Variants in TCERG1L observed in about 807,000 individuals in gnomAD.
TCERG1L encodes the protein transcription elongation regulator 1 like.
In TCERG1L, 37 loss-of-function variants were observed where a neutral mutation model predicts 56.3. The ratio of observed to expected loss-of-function variants is 0.66; its 90% CI spans 0.51 to 0.87. The LOEUF is 0.87. Among genes scored for constraint, TCERG1L ranks in the 40% least tolerant of loss-of-function variants. TCERG1L has a pLI of 0.00. For missense variants in TCERG1L, 799 were observed against 774.2 expected, an observed-to-expected ratio of 1.03 and a Z score of -0.38; for synonymous variants, 324 against 326.3, an observed-to-expected ratio of 0.99 and a Z score of 0.08.
At chr10:131,116,698 T>C (rs1589778936) in intron 9 of TCERG1L, 101 bp downstream of exon 9, 2 of 1,453,818 alleles carry the variant, frequency 1.4e-6, no homozygotes, top group Non-Finnish European at 1.9e-6. Context: ...AGCCTGATCA[T>C]GAACTCAGTG....
chr10:131,238,636 G>A (rs1032025247), intron 4 of TCERG1L, among the ~76,000 whole-genome samples: 1 of 152,292 alleles, frequency 6.6e-6, no homozygotes, highest in South Asian at 2.1e-4. Context: ...AGCTTGCTGC[G>A]GTTCTTTGTG....
chr10:131,199,094 T>C (rs559391138), intron 4 of TCERG1L, among the ~76,000 whole-genome samples: 7 of 152,296 alleles, frequency 4.6e-5, no homozygotes, highest in African/African-American at 1.4e-4. Context: ...CTCAAGGGCC[T>C]GGCTCTCTGG....
intron 4 of TCERG1L, among the ~76,000 whole-genome samples, chr10:131,239,541 T>A (rs930938910): frequency 2.0e-5 from 3 of 152,262 alleles, no homozygotes; most frequent in Admixed American, 1.3e-4. Context: ...AACACCACGC[T>A]GCACGCTCCA....
intron 4 of TCERG1L, among the ~76,000 whole-genome samples, chr10:131,179,737 C>T (rs908179760): frequency 5.3e-5 from 8 of 152,162 alleles, no homozygotes; most frequent in African/African-American, 1.9e-4. Flanking sequence ...ACTTAAACTA[C>T]ACTTCACCAT....
At chr10:131,197,634 C>T (rs1253213658) in intron 4 of TCERG1L, among the ~76,000 whole-genome samples, 2 of 152,200 alleles carry the variant, frequency 1.3e-5, no homozygotes, top group Non-Finnish European at 2.9e-5. Context: ...TCTTCACCAA[C>T]AAGCAGGTCT....
intron 4 of TCERG1L, among the ~76,000 whole-genome samples, chr10:131,207,145 C>T (rs529185784): frequency 2.3e-4 from 35 of 151,774 alleles, no homozygotes; most frequent in Non-Finnish European, 4.4e-5. Flanking sequence ...GAGGTCCCCA[C>T]CCCAATCCCC....
chr10:131,113,334 T>G (rs547319791), intron 9 of TCERG1L, among the ~76,000 whole-genome samples: 1 of 142,228 alleles, frequency 7.0e-6, no homozygotes, highest in East Asian at 2.4e-4. Flanking sequence ...CCTTCCCTGG[T>G]GGCCAGCCTA....
chr10:131,143,522 G>A (rs1845760868), intron 7 of TCERG1L, among the ~76,000 whole-genome samples: 1 of 152,152 alleles, frequency 6.6e-6, no homozygotes, highest in African/African-American at 2.4e-5. Context: ...GGTGGCCCCC[G>A]TGGCCAAAGC....
At chr10:131,153,015 C>T (rs10829929) in intron 6 of TCERG1L, among the ~76,000 whole-genome samples, 30,720 of 152,030 alleles carry the variant, frequency 0.2, 3,468 homozygotes, top group East Asian at 0.34. Flanking sequence ...GATTACAATT[C>T]GAGGTAAGAT....
At chr10:131,280,880 G>A (rs1441375897) in intron 3 of TCERG1L, among the ~76,000 whole-genome samples, 1 of 152,130 alleles carries the variant, frequency 6.6e-6, no homozygotes, top group Non-Finnish European at 1.5e-5. Flanking sequence ...CCAAGCGACT[G>A]TCCTTTTCGT....
At chr10:131,285,031 T>G (rs1294182184) in intron 3 of TCERG1L, among the ~76,000 whole-genome samples, 1 of 152,160 alleles carries the variant, frequency 6.6e-6, no homozygotes, top group Non-Finnish European at 1.5e-5. Context: ...CTTCCCAGCT[T>G]CTTCTATGAA....
At chr10:131,165,777 C>A (rs1846023983) in intron 5 of TCERG1L, among the ~76,000 whole-genome samples, 1 of 152,162 alleles carries the variant, frequency 6.6e-6, no homozygotes, top group Non-Finnish European at 1.5e-5. Context: ...TCTACTGCTA[C>A]TTACCGAGGT....
intron 4 of TCERG1L, among the ~76,000 whole-genome samples, chr10:131,171,230 T>C (rs1243662461): frequency 4.0e-5 from 6 of 149,854 alleles, no homozygotes; most frequent in Non-Finnish European, 8.9e-5. Flanking sequence ...AGAAAAACTG[T>C]CCTATCTCCT....
chr10:131,151,804 T>C (rs1845870278), intron 6 of TCERG1L, among the ~76,000 whole-genome samples: 1 of 152,208 alleles, frequency 6.6e-6, no homozygotes, highest in South Asian at 2.1e-4. Context: ...TGCCTGGACA[T>C]CCAGGCATTT....
At chr10:131,221,053 C>T (rs1564818946) in intron 4 of TCERG1L, among the ~76,000 whole-genome samples, 2 of 152,196 alleles carry the variant, frequency 1.3e-5, no homozygotes, top group African/African-American at 4.8e-5. Flanking sequence ...GGTGTGGTCA[C>T]TGAGGCAGCC....
chr10:131,291,162 C>T (rs1846616335), intron 3 of TCERG1L, among the ~76,000 whole-genome samples: 1 of 152,026 alleles, frequency 6.6e-6, no homozygotes, highest in African/African-American at 2.4e-5. Context: ...CCATTTATGT[C>T]TATTTTTATT....
intron 9 of TCERG1L, among the ~76,000 whole-genome samples, chr10:131,112,278 C>G (rs1845419482): frequency 7.0e-6 from 1 of 142,654 alleles, no homozygotes; most frequent in South Asian, 2.6e-4. Flanking sequence ...TTCTCCAGCT[C>G]TGACTCCCAC....
chr10:131,163,860 T>C (rs4751334), intron 5 of TCERG1L: 152,129 of 152,384 alleles, frequency 1, 75,937 homozygotes, highest in East Asian at 1. Flanking sequence ...CCAGGCATGG[T>C]GGCTCACGCC....
At chr10:131,235,558 G>C (rs1042303532) in intron 4 of TCERG1L, among the ~76,000 whole-genome samples, 5 of 151,986 alleles carry the variant, frequency 3.3e-5, no homozygotes, top group Non-Finnish European at 5.9e-5. Flanking sequence ...ATTTAGTAAA[G>C]CATGACAGCT....
Sources: allele counts gnomAD v4.1 joint callset (sites outside exome capture counted in the v4.1 genomes callset), GRCh38; gene constraint gnomAD v4.1.1; transcripts MANE v1.5; gene names NCBI Gene and HGNC (gene_info 2026-07-23, HGNC 2026-07-21).